Variants in ZYG11A observed in about 807,000 individuals in gnomAD.
The protein encoded by ZYG11A is zyg-11 family member A, cell cycle regulator.
A neutral mutation model predicts 77.2 loss-of-function variants in ZYG11A; 62 were observed. The observed-to-expected ratio is 0.80, with a 90% CI of 0.65 to 0.99. The LOEUF (loss-of-function observed/expected upper bound fraction) is 0.99, where lower values mean the gene tolerates loss of function less well. Among genes scored for constraint, ZYG11A ranks in the 50% least tolerant of loss-of-function variants. The pLI is 0.00. For synonymous variants in ZYG11A, 315 were observed against 324.6 expected, an observed-to-expected ratio of 0.97 and a Z score of 0.32; for missense variants, 828 against 896.8, an observed-to-expected ratio of 0.92 and a Z score of 0.98.
At chr1:52,871,689 G>A (rs1646169570) in intron 8 of ZYG11A, among the ~76,000 whole-genome samples, 1 of 152,020 alleles carries the variant, frequency 6.6e-6, no homozygotes, top group Non-Finnish European at 1.5e-5. Flanking sequence ...ATTTTGTTCA[G>A]CCTGGTCACT....
In ZYG11A at chr1:52,857,071, A is replaced by C; in HGVS notation, c.330A>C (p.Lys110Asn). The C allele has an allele frequency of 6.4e-7, 1 of 1,551,188 alleles. No individual in the cohort carries two copies. Among genetic ancestry groups the C allele is most frequent in the African/African-American group, 1.4e-5 (1 of 73,146 alleles). ...QMKLKLVNIQ[K>N]AKISTAAFIK... Reference sequence around the variant, plus strand: ...AACTGAAGCTGGTCAATATCCAAAAAGCTAAAATCTCTACAGCTGCATTCA... The same window carrying C: ...AACTGAAGCTGGTCAATATCCAAAACGCTAAAATCTCTACAGCTGCATTCA... The change falls in exon 3 of 14, where the codon AAA becomes AAC. Residue 110 changes from lysine (K) to asparagine (N), a missense_variant. Physicochemically the swap from Lys to Asn is moderately conservative, Grantham distance 94. Coordinates refer to ENST00000371528, the MANE Select transcript of ZYG11A (RefSeq NM_001004339.3).
chr1:52,865,345 G>T (rs535803165), intron 5 of ZYG11A, among the ~76,000 whole-genome samples: 102 of 152,278 alleles, frequency 6.7e-4, no homozygotes, highest in African/African-American at 2.4e-3. Context: ...AGTATATAAA[G>T]AACTCAACTT....
chr1:52,887,053 C>T lies in ZYG11A; in HGVS notation c.2104C>T (p.Pro702Ser), dbSNP rs1022754173. The change falls in exon 13 of 14, where the codon CCC becomes TCC. Residue 702 changes from proline to serine, a missense_variant and splice_region_variant. Transcript: ENST00000371528. ...WAMYHVCSKN[P>S]SKYCKMLVEE... is the part of the protein sequence containing the mutation. ...TATGTATCATGTCTGCAGTAAAAATCGTATGTATTCAACATATATTCAAAA... is the reference window on the plus strand; with the variant it reads ...TATGTATCATGTCTGCAGTAAAAATTGTATGTATTCAACATATATTCAAAA... The T allele has an allele frequency of 1.2e-5, 18 of 1,469,800 alleles. No homozygotes were observed. The highest frequency in any genetic ancestry group is 4.0e-5 in the Admixed American group (2 of 49,744). The allele number at this position is 1,469,800 out of a possible 1,614,324, so 91.0% of individuals were successfully genotyped here.
In ZYG11A at chr1:52,881,469, A is replaced by G. The variant is rs1646360378; in HGVS notation, c.1750-2A>G. On this transcript the variant is annotated splice_acceptor_variant, in intron 10 of 13. Transcript: ENST00000371528. LOFTEE classifies it high-confidence loss of function. The stretch of plus-strand genomic sequence containing the variant: ...GGGTTCTCTGCTCCATCTGACCTGT[A>G]GAACAACATAGCAGAAGTCAGAGAG... 2 of 1,544,658 alleles carry G rather than the reference A, an allele frequency of 1.3e-6. No individual in the cohort carries two copies. Among genetic ancestry groups the G allele is most frequent in the Non-Finnish European group, 1.7e-6 (2 of 1,143,290 alleles).
At chr1:52,880,455 C>T (rs556255407) in intron 10 of ZYG11A, among the ~76,000 whole-genome samples, 1 of 152,300 alleles carries the variant, frequency 6.6e-6, no homozygotes, top group African/African-American at 2.4e-5. Flanking sequence ...TGATTCCAGC[C>T]TCCTGGCACT....
At chr1:52,891,299 TTTTTC>T (rs1646538570) in intron 13 of ZYG11A, among the ~76,000 whole-genome samples, 1 of 151,992 alleles carries the variant, frequency 6.6e-6, no homozygotes, top group East Asian at 1.9e-4. Context: ...ATTCCTATTT[TTTTTC>T]TTCTTTAAAA....
chr1:52,845,120 A>G (rs1197221122), intron 1 of ZYG11A, among the ~76,000 whole-genome samples: 1 of 151,960 alleles, frequency 6.6e-6, no homozygotes, highest in Non-Finnish European at 1.5e-5. Flanking sequence ...TGCTTGATGA[A>G]TTGGCCCTTT....
Position 52,842,933 on chromosome 1 carries a change from C to CT in ZYG11A, c.51dup (p.Asp18Ter). The CT allele has an allele frequency of 6.5e-7, 1 of 1,530,174 alleles. No homozygotes were observed. The highest frequency in any genetic ancestry group is 2.6e-5 in the East Asian group (1 of 37,880). 94.8% of individuals were successfully genotyped at this position (1,530,174 alleles called of 1,614,324 possible). The stretch of plus-strand genomic sequence containing the variant: ...CACACGCCCCGGAACATCGTCCCTC[C>CT]TGACGCTCAGAAGGATGCCCTGGGC... On this transcript the variant is annotated frameshift_variant, in exon 1 of 14. Coordinates refer to ENST00000371528, the MANE Select transcript of ZYG11A (RefSeq NM_001004339.3). LOFTEE classifies it high-confidence loss of function.
At chr1:52,859,189 G>A (rs1645875321) in intron 3 of ZYG11A, among the ~76,000 whole-genome samples, 1 of 151,470 alleles carries the variant, frequency 6.6e-6, no homozygotes, top group Non-Finnish European at 1.5e-5. Flanking sequence ...TTTTGGGACA[G>A]TCGAGTCCTG....
In ZYG11A at chr1:52,856,981, T is replaced by G; in HGVS notation, c.257-17T>G. 5 of 1,513,312 alleles carry G rather than the reference T, an allele frequency of 3.3e-6. No individual in the cohort carries two copies. The South Asian group carries it at 6.4e-5, about 19-fold the overall frequency. 93.7% of individuals were successfully genotyped at this position (1,513,312 alleles called of 1,614,324 possible). A position where few individuals can be genotyped will look rare whatever the true frequency, so the allele number is the denominator to read the frequency against. On this transcript the variant is annotated splice_polypyrimidine_tract_variant and intron_variant, in intron 2 of 13. Transcript: ENST00000371528. ...AGATCTAGTTGTCATTACAAGTTGG[T>G]TCTGGTTCTTTCATAGGCAAGCTGA...
intron 8 of ZYG11A, among the ~76,000 whole-genome samples, chr1:52,871,556 G>A (rs1222294176): frequency 2.0e-5 from 3 of 151,238 alleles, no homozygotes; most frequent in Non-Finnish European, 4.4e-5. Flanking sequence ...AAGTGCACTG[G>A]CGCCATCTCG....
intron 1 of ZYG11A, among the ~76,000 whole-genome samples, chr1:52,847,115 C>T (rs767396843): frequency 6.6e-6 from 1 of 151,932 alleles, no homozygotes; most frequent in African/African-American, 2.4e-5. Flanking sequence ...GGCTGGAGTG[C>T]GGTGGCGTGA....
chr1:52,869,703 T>G (rs1294147358), intron 8 of ZYG11A, among the ~76,000 whole-genome samples: 1 of 151,892 alleles, frequency 6.6e-6, no homozygotes, highest in Non-Finnish European at 1.5e-5. Context: ...CTTTCCTCCT[T>G]TTCTATTCCA....
chr1:52,849,706 G>C (rs926887215), intron 1 of ZYG11A, among the ~76,000 whole-genome samples: 11 of 132,650 alleles, frequency 8.3e-5, no homozygotes, highest in African/African-American at 3.1e-4. Context: ...TTTTTGAGAC[G>C]GAGTCTCCCT....
intron 10 of ZYG11A, 47 bp from the exon 11 acceptor site, chr1:52,881,424 C>T: frequency 1.5e-6 from 2 of 1,371,902 alleles, no homozygotes; most frequent in Non-Finnish European, 2.0e-6. Flanking sequence ...TCCTGATTCT[C>T]CCCTCCCTTC....
At chr1:52,844,115 C>A (rs1435520256) in intron 1 of ZYG11A, among the ~76,000 whole-genome samples, 2 of 152,118 alleles carry the variant, frequency 1.3e-5, no homozygotes, top group Non-Finnish European at 2.9e-5. Context: ...TTGAATTTCA[C>A]CTCAGGTGTT....
Position 52,867,560 on chromosome 1 carries a change from C to T in ZYG11A, c.1413C>T (p.Val471=). Residue 471 remains valine, a synonymous_variant, in exon 7 of 14, where the codon GTC becomes GTT. Coordinates refer to ENST00000371528, the MANE Select transcript of ZYG11A (RefSeq NM_001004339.3). ...PFDRFDAAKF[V]MRWLCKHENP... Reference sequence around the variant, plus strand: ...TCAGGTTTGATGCTGCCAAGTTTGTCATGAGATGGCTCTGTAAGCATGAAA... The same window carrying T: ...TCAGGTTTGATGCTGCCAAGTTTGTTATGAGATGGCTCTGTAAGCATGAAA... The T allele has an allele frequency of 6.4e-7, 1 of 1,552,008 alleles. No homozygotes were observed. The highest frequency in any genetic ancestry group is 8.7e-7 in the Non-Finnish European group (1 of 1,146,884).
At chr1:52,882,012 A>G (rs535614715) in intron 11 of ZYG11A, among the ~76,000 whole-genome samples, 2 of 152,052 alleles carry the variant, frequency 1.3e-5, no homozygotes, top group South Asian at 4.2e-4. Context: ...CTCCCACCTC[A>G]ACCTCCCAAG....
chr1:52,857,959 G>A (rs1390172941), intron 3 of ZYG11A, among the ~76,000 whole-genome samples: 1 of 151,612 alleles, frequency 6.6e-6, no homozygotes, highest in Non-Finnish European at 1.5e-5. Flanking sequence ...GAGTAGTTTT[G>A]TATTTTTAAT....
Sources: gnomAD v4.1 joint callset for allele counts (sites outside exome capture counted in the v4.1 genomes callset) on GRCh38, gnomAD v4.1.1 for gene constraint, MANE v1.5 for transcripts, NCBI Gene and HGNC (gene_info 2026-07-23, HGNC 2026-07-21) for gene names.